The following ZNF805 variants were observed in gnomAD, a reference collection of about 807,000 sequenced individuals.
ZNF805 encodes the protein CTC-444N24.8.
In ZNF805, 7 loss-of-function variants were observed where a neutral mutation model predicts 13.6. That is an observed-to-expected ratio of 0.51 (90% CI 0.29 to 0.97). The LOEUF (loss-of-function observed/expected upper bound fraction) is 0.97. ZNF805 is among the 50% of genes least tolerant of loss of function. The pLI is 0.08. For synonymous variants in ZNF805, 293 were observed against 279.8 expected (o/e 1.05, Z -0.47); for missense variants, 604 against 771.0 (o/e 0.78, Z 2.57).
rs555194881 is a variant in ZNF805 at position 57,255,604 on chromosome 19, T to C, written c.*901T>C. 1.4e-4 allele frequency among the ~76,000 whole-genome samples: 22 copies of C among 152,280 alleles called. No homozygotes were observed. Among genetic ancestry groups the C allele is most frequent in the Middle Eastern group, 3.4e-3 (1 of 294 alleles). On this transcript the variant is annotated 3_prime_UTR_variant, in exon 4 of 4. Coordinates refer to ENST00000414468, the MANE Select transcript of ZNF805 (RefSeq NM_001023563.4). ...TATAGCTGCATAGTTTTTTGAGTGA[T>C]TGTAAATGGCATTGATATTTAAAGT...
In ZNF805 at chr19:57,254,749, A is replaced by G. The variant is rs955427675; in HGVS notation, c.*46A>G. 8.4e-6 allele frequency: 13 copies of G among 1,544,158 alleles called. No homozygotes were observed. In the African/African-American group the frequency reaches 1.2e-4, roughly 15 times the overall value. On this transcript the variant is annotated 3_prime_UTR_variant, in exon 4 of 4. Transcript: ENST00000414468. ...TGTCATTTGTCACCTAAGGAGTCAT[A>G]TTAGAAAATCACGCAGCTTAGAGCC...
rs1189318059 is a variant in ZNF805 at position 57,262,366 on chromosome 19, C to CAA, written c.*7664_*7665insAA. Reference sequence around the variant, plus strand: ...TGTAACCAAGAAAAAAAAAAAAAGTCAGAGTCACAGTGAAAATACTTAACA... The same window carrying CAA: ...TGTAACCAAGAAAAAAAAAAAAAGTCAAAGAGTCACAGTGAAAATACTTAACA... On this transcript the variant is annotated 3_prime_UTR_variant, in exon 4 of 4. Transcript: ENST00000414468. 1 of 154,830 alleles carries CAA rather than the reference C, an allele frequency of 6.5e-6. No individual in the cohort carries two copies. The highest frequency in any genetic ancestry group is 1.6e-5 in the Non-Finnish European group (1 of 64,094). The allele number at this position is 154,830 out of a possible 1,614,324, so 9.6% of individuals were successfully genotyped here. A position where few individuals can be genotyped will look rare whatever the true frequency, so the allele number is the denominator to read the frequency against.
intron 3 of ZNF805, among the ~76,000 whole-genome samples, chr19:57,249,287 A>G (rs571979035): frequency 2.0e-5 from 3 of 152,320 alleles, no homozygotes; most frequent in East Asian, 3.9e-4. Context: ...ACTTGGGTCC[A>G]TGAGTCTAGG....
chr19:57,241,571 A>T (rs1223149076), intron 1 of ZNF805, among the ~76,000 whole-genome samples: 1 of 151,022 alleles, frequency 6.6e-6, no homozygotes, highest in African/African-American at 2.4e-5. Context: ...GCAAGTCCCT[A>T]CCCGGTCCAC....
chr19:57,242,321 C>G (rs1164146075), intron 1 of ZNF805, among the ~76,000 whole-genome samples: 1 of 152,218 alleles, frequency 6.6e-6, no homozygotes, highest in Non-Finnish European at 1.5e-5. Flanking sequence ...GGCAGACATT[C>G]CACTAGAGAG....
At position 57,255,265 on chromosome 19, in the gene ZNF805, A is replaced by G. The variant is rs770621079; in HGVS notation, c.*562A>G. On this transcript the variant is annotated 3_prime_UTR_variant, in exon 4 of 4. Transcript: ENST00000414468. Reference sequence around the variant, plus strand: ...ATCTGTTGGTTTACTTGATTGCTATAGCTGTATGGTAAATCTCAAAATTAG... The same window carrying G: ...ATCTGTTGGTTTACTTGATTGCTATGGCTGTATGGTAAATCTCAAAATTAG... 6.0e-6 allele frequency: 1 copy of G among 166,992 alleles called. No individual in the cohort carries two copies. The highest frequency in any genetic ancestry group is 1.5e-5 in the Non-Finnish European group (1 of 68,084). 10.3% of individuals were successfully genotyped at this position (166,992 alleles called of 1,614,324 possible).
In ZNF805 at chr19:57,260,215, CTT is replaced by C. The variant is rs529839013; in HGVS notation, c.*5513_*5514del. ...GTCTAAGTCCTCTGTCTTTCATACT[CTT>C]GTTTAGTCTTTAACTTCTCCTTATT... On this transcript the variant is annotated 3_prime_UTR_variant, in exon 4 of 4. Coordinates refer to ENST00000414468, the MANE Select transcript of ZNF805 (RefSeq NM_001023563.4). Among the ~76,000 whole-genome samples the C allele has an allele frequency of 9.5e-4, 145 of 152,320 alleles. 1 individual carries two copies. Among genetic ancestry groups the C allele is most frequent in the African/African-American group, 3.3e-3 (136 of 41,572 alleles).
chr19:57,259,449 A>T lies in ZNF805; in HGVS notation c.*4746A>T, dbSNP rs2087710214. Among the ~76,000 whole-genome samples, 1 of 148,434 alleles carries T rather than the reference A, an allele frequency of 6.7e-6. No individual in the cohort carries two copies. Among genetic ancestry groups the T allele is most frequent in the African/African-American group, 2.5e-5 (1 of 40,066 alleles). On this transcript the variant is annotated 3_prime_UTR_variant, in exon 4 of 4. Transcript: ENST00000414468. ...AGTCTACTGTTGAGCTTGTCCAATG[A>T]GTTTTCGTTTTGGTTTTTGTATTTT...
At chr19:57,245,974 C>T (rs1037902328) in intron 2 of ZNF805, among the ~76,000 whole-genome samples, 1 of 152,212 alleles carries the variant, frequency 6.6e-6, no homozygotes, top group Non-Finnish European at 1.5e-5. Flanking sequence ...ACAGACACTA[C>T]ATCAGCTGGT....
intron 3 of ZNF805, among the ~76,000 whole-genome samples, chr19:57,249,358 G>T (rs371712250): frequency 6.6e-6 from 1 of 152,144 alleles, no homozygotes; most frequent in South Asian, 2.1e-4. Flanking sequence ...CACCTACTCA[G>T]TCCACTACAC....
chr19:57,250,295 C>T (rs1323388075), intron 3 of ZNF805, among the ~76,000 whole-genome samples: 1 of 152,276 alleles, frequency 6.6e-6, no homozygotes, highest in African/African-American at 2.4e-5. Flanking sequence ...TGCAATGGCG[C>T]GATCTCGGCT....
Position 57,254,626 on chromosome 19 carries a change from C to A in ZNF805, c.1807C>A (p.Leu603Ile), listed in dbSNP as rs745750016. 3.2e-5 allele frequency: 52 copies of A among 1,613,934 alleles called. 2 individuals carry two copies. The South Asian group carries it at 4.9e-4, about 15-fold the overall frequency. Residue 603 changes from leucine to isoleucine, a missense_variant, in exon 4 of 4, where the codon CTT (leucine) becomes ATT (isoleucine). Leu to Ile is a conservative substitution (Grantham distance 5). This residue lies in a region of ZNF805 where 49 missense variants were observed against 40.0 expected (regional missense o/e 1.23). Coordinates refer to ENST00000414468, the MANE Select transcript of ZNF805 (RefSeq NM_001023563.4). ...NFLNVTTEENLLQEEASYMAS... is the reference protein window; with the variant it reads ...NFLNVTTEENILQEEASYMAS... ...TTTGAATGTCACCACTGAGGAAAAT[C>A]TTTTGCAAGAGGAAGCATCTTACAT...
Position 57,259,214 on chromosome 19 carries a change from A to G in ZNF805, c.*4511A>G, listed in dbSNP as rs1405704638. On this transcript the variant is annotated 3_prime_UTR_variant, in exon 4 of 4. Coordinates refer to ENST00000414468, the MANE Select transcript of ZNF805 (RefSeq NM_001023563.4). ...TTTATGCCCTTTGCCAAATTTGGGA[A>G]TTTTTAACCATTATTTCTTGAAATA... Among the ~76,000 whole-genome samples, 1 of 152,006 alleles carries G rather than the reference A, an allele frequency of 6.6e-6. No individual in the cohort carries two copies. The highest frequency in any genetic ancestry group is 6.6e-5 in the Admixed American group (1 of 15,256).
chr19:57,240,645 C>G lies in ZNF805; in HGVS notation c.-247C>G. On this transcript the variant is annotated 5_prime_UTR_variant, in exon 1 of 4. Transcript: ENST00000414468. ...TTTGGGAGCGACGGTTCCGTCCACG[C>G]CGGCTCTAGGGAGGGGGCGGTGTTC... 4 of 497,442 alleles carry G rather than the reference C, an allele frequency of 8.0e-6. No individual in the cohort carries two copies. The highest frequency in any genetic ancestry group is 3.4e-4 in the Middle Eastern group (1 of 2,940). 30.8% of individuals were successfully genotyped at this position (497,442 alleles called of 1,614,324 possible).
At chr19:57,249,116 A>G (rs1176878359) in intron 3 of ZNF805, among the ~76,000 whole-genome samples, 2 of 152,204 alleles carry the variant, frequency 1.3e-5, no homozygotes, top group African/African-American at 4.8e-5. Flanking sequence ...ACTCTGTACC[A>G]CACAGTTATT....
chr19:57,245,598 T>C lies in ZNF805; in HGVS notation c.157+1549T>C, dbSNP rs569830256. ...ATAGAGACCATCCTGGCTAACACGG[T>C]GCAACCCTGTCTCTACTAAAAATAC... is the stretch of plus-strand genomic sequence containing the variant. On this transcript the variant is annotated intron_variant, in intron 2 of 3. Transcript: ENST00000414468. Among the ~76,000 whole-genome samples, 476 of 148,428 alleles carry C rather than the reference T, an allele frequency of 3.2e-3. 1 individual carries two copies. The highest frequency in any genetic ancestry group is 0.014 in the Middle Eastern group (4 of 286).
chr19:57,241,451 C>T (rs2087579425), intron 1 of ZNF805, among the ~76,000 whole-genome samples: 1 of 152,160 alleles, frequency 6.6e-6, no homozygotes, highest in African/African-American at 2.4e-5. Context: ...CAGCTTTCCA[C>T]TGCTAAAGTG....
intron 2 of ZNF805, among the ~76,000 whole-genome samples, chr19:57,248,268 TAATC>T (rs1205787325): frequency 1.3e-5 from 2 of 151,362 alleles, no homozygotes; most frequent in Non-Finnish European, 2.9e-5. Flanking sequence ...TGAATGAAAA[TAATC>T]AATGTTTAAT....
rs985954194 is a variant in ZNF805 at position 57,255,019 on chromosome 19, A to G, written c.*316A>G. On this transcript the variant is annotated 3_prime_UTR_variant, in exon 4 of 4. Coordinates refer to ENST00000414468, the MANE Select transcript of ZNF805 (RefSeq NM_001023563.4). ...AAGGGAAGGTCTGGAAACTTACTCA[A>G]TGTCTTTGTTCTACAACATTGTCTC... 2.0e-5 allele frequency: 5 copies of G among 249,650 alleles called. No individual in the cohort carries two copies. The highest frequency in any genetic ancestry group is 2.3e-4 in the South Asian group (2 of 8,824). The allele number at this position is 249,650 out of a possible 1,614,324, so 15.5% of individuals were successfully genotyped here.
Sources: gnomAD v4.1 joint callset for allele counts (sites outside exome capture counted in the v4.1 genomes callset) on GRCh38, gnomAD v4.1.1 for gene constraint, gnomAD v4.1.1 regional missense constraint, MANE v1.5 for transcripts, NCBI Gene and HGNC (gene_info 2026-07-23, HGNC 2026-07-21) for gene names.